PPP2R3C: variants seen among roughly 807,000 people sequenced by gnomAD.
PPP2R3C encodes the protein protein phosphatase 2 regulatory subunit B''gamma.
A neutral mutation model predicts 63.7 loss-of-function variants in PPP2R3C; 47 were observed. The observed-to-expected ratio is 0.74, with a 90% CI of 0.58 to 0.94. The LOEUF is 0.94. PPP2R3C is among the 40% of genes least tolerant of loss of function. The pLI is 0.00. For synonymous variants in PPP2R3C, 180 were observed against 177.4 expected, an observed-to-expected ratio of 1.01 and a Z score of -0.12; for missense variants, 421 against 518.4, an observed-to-expected ratio of 0.81 and a Z score of 1.82.
chr14:35,094,480 T>TAA (rs149818775), intron 10 of PPP2R3C, among the ~76,000 whole-genome samples: 7 of 147,406 alleles, frequency 4.7e-5, no homozygotes, highest in Non-Finnish European at 1.1e-4. Flanking sequence ...CAGCTTTTTT[T>TAA]TAAAAAAAAA....
chr14:35,119,912 A>G (rs377452032), intron 1 of PPP2R3C, among the ~76,000 whole-genome samples: 1 of 139,798 alleles, frequency 7.2e-6, no homozygotes, highest in African/African-American at 2.7e-5. Flanking sequence ...GTGCAGTGGC[A>G]CAATCTCCGG....
upstream of PPP2R3C, chr14:35,122,292 A>C (rs921704064): frequency 6.5e-5 from 21 of 324,366 alleles, no homozygotes; most frequent in Non-Finnish European, 1.1e-4. Context: ...CGTGCGCACC[A>C]CGTGACCCAG....
At chr14:35,117,379 T>C (rs1419178813) in intron 1 of PPP2R3C, among the ~76,000 whole-genome samples, 1 of 152,236 alleles carries the variant, frequency 6.6e-6, no homozygotes, top group Non-Finnish European at 1.5e-5. Context: ...TAAACATTTA[T>C]GTGGGTGACC....
rs766884886 is a variant in PPP2R3C at position 35,096,613 on chromosome 14, G to GGAC, written c.780_782dup (p.Ser261dup). 38 of 1,613,548 alleles carry GGAC rather than the reference G, an allele frequency of 2.4e-5. No homozygotes were observed. Among genetic ancestry groups the GGAC allele is most frequent in the Non-Finnish European group, 3.1e-5 (37 of 1,179,860 alleles). ...ACCAATTTGTTTCTTGACTCTCCTT[G>GGAC]GACAGTTCCTCATCCCTTAGCTAAT... is the stretch of plus-strand genomic sequence containing the variant. On this transcript the variant is annotated inframe_insertion, in exon 9 of 13. Transcript: ENST00000261475.
At chr14:35,103,151 C>T (rs2143950) in intron 6 of PPP2R3C, among the ~76,000 whole-genome samples, 27,149 of 152,062 alleles carry the variant, frequency 0.18, 2,595 homozygotes, top group East Asian at 0.37. Flanking sequence ...TTAAAACTTC[C>T]GATGGTTTCC....
At chr14:35,113,541 A>G (rs1419959899) in intron 2 of PPP2R3C, among the ~76,000 whole-genome samples, 4 of 152,218 alleles carry the variant, frequency 2.6e-5, no homozygotes, top group Non-Finnish European at 5.9e-5. Context: ...GGAATGAGAC[A>G]GAGTAGGAAT....
chr14:35,116,645 C>A lies in PPP2R3C; in HGVS notation c.151G>T (p.Glu51Ter). 1 of 1,602,016 alleles carries A rather than the reference C, an allele frequency of 6.2e-7. No individual in the cohort carries two copies. Among genetic ancestry groups the A allele is most frequent in the Non-Finnish European group, 8.5e-7 (1 of 1,171,634 alleles). ...AACCGGGGAATGGTCTTATAGAATT[C>A]ATTTGTGTTTTTTCTACCTCCTTTC... is the stretch of plus-strand genomic sequence containing the variant. The part of the protein sequence containing the change: ...EWKGGRKNTN[E>*]FYKTIPRFYY... The change falls in exon 2 of 13, where the codon GAA (glutamate) becomes TAA (stop). Residue 51 changes from glutamate (E) to a stop codon, truncating the protein, a stop_gained. Coordinates refer to ENST00000261475, the MANE Select transcript of PPP2R3C (RefSeq NM_017917.4). LOFTEE classifies it high-confidence loss of function.
At position 35,096,761 on chromosome 14, in the gene PPP2R3C, T is replaced by G. The variant is rs765718696; in HGVS notation, c.710A>C (p.Lys237Thr). 3.2e-6 allele frequency: 5 copies of G among 1,582,900 alleles called. No homozygotes were observed. The highest frequency in any genetic ancestry group is 4.3e-6 in the Non-Finnish European group (5 of 1,164,266). ...FFFLDPLRTGKIKIQDILACS... is the reference protein window; with the variant it reads ...FFFLDPLRTGTIKIQDILACS... ...TGCTAAAATATCTTGAATTTTTATC[T>G]TTCCTTTAAGAACATAAAGAAACAC... The change falls in exon 8 of 13, where the codon AAG becomes ACG. Residue 237 changes from lysine (K) to threonine (T), a missense_variant. Coordinates refer to ENST00000261475, the MANE Select transcript of PPP2R3C (RefSeq NM_017917.4).
chr14:35,092,150 C>A (rs1363907882), intron 10 of PPP2R3C, among the ~76,000 whole-genome samples: 1 of 152,148 alleles, frequency 6.6e-6, no homozygotes, highest in African/African-American at 2.4e-5. Flanking sequence ...TTCACTGCAA[C>A]CTTGATCTCC....
At chr14:35,105,363 A>T (rs1203298901) in intron 6 of PPP2R3C, among the ~76,000 whole-genome samples, 2 of 151,824 alleles carry the variant, frequency 1.3e-5, no homozygotes, top group African/African-American at 2.4e-5. Context: ...TTGTATTTTT[A>T]GTAGAGACGG....
chr14:35,118,012 C>T (rs1485089278), intron 1 of PPP2R3C, among the ~76,000 whole-genome samples: 1 of 151,976 alleles, frequency 6.6e-6, no homozygotes, highest in Non-Finnish European at 1.5e-5. Context: ...TAATTTTTAA[C>T]CTTAGACCAA....
At chr14:35,110,384 TG>T in intron 3 of PPP2R3C, 140 bp downstream of exon 3, 1 of 578,834 alleles carries the variant, frequency 1.7e-6, no homozygotes, top group Non-Finnish European at 3.0e-6. Context: ...CGGCTGCTTC[TG>T]GTGGGAACTG....
At chr14:35,089,670 T>A (rs1247763311) in intron 11 of PPP2R3C, among the ~76,000 whole-genome samples, 1 of 151,992 alleles carries the variant, frequency 6.6e-6, no homozygotes, top group Non-Finnish European at 1.5e-5. Context: ...TTTTTAATTT[T>A]TTTTTTTCTT....
At chr14:35,111,626 T>G (rs1001087144) in intron 2 of PPP2R3C, among the ~76,000 whole-genome samples, 1 of 152,206 alleles carries the variant, frequency 6.6e-6, no homozygotes, top group Non-Finnish European at 1.5e-5. Context: ...TGCAACATCC[T>G]CAATTACTCC....
At chr14:35,120,447 G>A (rs1300863670) in intron 1 of PPP2R3C, among the ~76,000 whole-genome samples, 3 of 148,356 alleles carry the variant, frequency 2.0e-5, no homozygotes, top group African/African-American at 5.0e-5. Context: ...GGGTTTCACC[G>A]TGTTAGCCAG....
rs944223786 is a variant in PPP2R3C at position 35,090,969 on chromosome 14, C to T, written c.1113+101G>A. 1.1e-5 allele frequency: 12 copies of T among 1,112,514 alleles called. No homozygotes were observed. The Admixed American group carries it at 2.6e-4, about 24-fold the overall frequency. 68.9% of individuals were successfully genotyped at this position (1,112,514 alleles called of 1,614,324 possible). Reference sequence around the variant, plus strand: ...TGACCTTGTGATCCACCTGCCTCGGCCTCCCAAAGTGCTGGGATTACAGGC... The same window carrying T: ...TGACCTTGTGATCCACCTGCCTCGGTCTCCCAAAGTGCTGGGATTACAGGC... On this transcript the variant is annotated intron_variant, in intron 11 of 12. Transcript: ENST00000261475.
At chr14:35,120,564 A>G (rs1269813543) in intron 1 of PPP2R3C, among the ~76,000 whole-genome samples, 1 of 152,118 alleles carries the variant, frequency 6.6e-6, no homozygotes, top group Non-Finnish European at 1.5e-5. Context: ...TCCTTTCTTA[A>G]TGAGATATAT....
chr14:35,120,663 TTGCC>T (rs906860095), intron 1 of PPP2R3C, among the ~76,000 whole-genome samples: 3 of 152,104 alleles, frequency 2.0e-5, no homozygotes, highest in Non-Finnish European at 4.4e-5. Flanking sequence ...TAAAAGAGTG[TTGCC>T]TGGGTGCGGC....
intron 1 of PPP2R3C, among the ~76,000 whole-genome samples, chr14:35,119,849 C>CTTTTTTTTTTT (rs71121267): frequency 8.5e-6 from 1 of 117,016 alleles, no homozygotes; most frequent in Non-Finnish European, 1.7e-5. Context: ...GACAGTTCAT[C>CTTTTTTTTTTT]TTTTTTTTTT....
Sources: allele counts gnomAD v4.1 joint callset (sites outside exome capture counted in the v4.1 genomes callset), GRCh38; gene constraint gnomAD v4.1.1; transcripts MANE v1.5; gene names NCBI Gene and HGNC (gene_info 2026-07-23, HGNC 2026-07-21).